Variants in STIM1 observed in about 807,000 individuals in gnomAD.
STIM1 encodes stromal interaction molecule 1.
Under a neutral mutation model 74.7 loss-of-function variants are expected in STIM1, and 25 were observed. The observed-to-expected ratio is 0.33, with a 90% CI of 0.24 to 0.47. The LOEUF (loss-of-function observed/expected upper bound fraction) is 0.47. Among genes scored for constraint, STIM1 ranks in the 20% least tolerant of loss-of-function variants. The probability of loss-of-function intolerance (pLI) is 1.00; values close to 1 mark genes in which losing one functional copy is unlikely to be tolerated. For synonymous variants in STIM1, 328 were observed against 348.8 expected (o/e 0.94, Z 0.66); for missense variants, 728 against 920.8 (o/e 0.79, Z 2.71).
At chr11:3,904,811 T>A (rs2092436380) in intron 1 of STIM1, among the ~76,000 whole-genome samples, 1 of 152,118 alleles carries the variant, frequency 6.6e-6, no homozygotes, top group Non-Finnish European at 1.5e-5. Context: ...TTGAGATGGT[T>A]ATGGGTGATA....
chr11:3,856,393 G>T lies in STIM1; in HGVS notation c.123G>T (p.Glu41Asp). 6.2e-7 allele frequency: 1 copy of T among 1,614,112 alleles called. No homozygotes were observed. The highest frequency in any genetic ancestry group is 8.5e-7 in the Non-Finnish European group (1 of 1,180,034). ...GAACCAGCTCGGGGGCCAACTCTGA[G>T]GAGTCCACTGCAGCAGGTAAGGCCT... Reference protein sequence around the residue: ...ATGTSSGANSEESTAAEFCRI... With the variant: ...ATGTSSGANSDESTAAEFCRI... Residue 41 changes from glutamate (E) to aspartate (D), a missense_variant, in exon 1 of 13, where the codon GAG becomes GAT. This residue lies in a region of STIM1 where 62 missense variants were observed against 55.5 expected (regional missense o/e 1.12). Transcript: ENST00000526596.
chr11:3,869,714 T>C (rs1473701840), intron 1 of STIM1, among the ~76,000 whole-genome samples: 1 of 152,208 alleles, frequency 6.6e-6, no homozygotes, highest in Non-Finnish European at 1.5e-5. Flanking sequence ...TTGCACGTTT[T>C]GACAAGGGGA....
chr11:3,950,836 C>A (rs893835218), intron 1 of STIM1, among the ~76,000 whole-genome samples: 1 of 152,110 alleles, frequency 6.6e-6, no homozygotes, highest in Middle Eastern at 3.4e-3. Context: ...TGCTTTGTTG[C>A]CCAGGCTGAT....
At chr11:3,985,030 A>G (rs1192197852) in intron 2 of STIM1, among the ~76,000 whole-genome samples, 1 of 152,166 alleles carries the variant, frequency 6.6e-6, no homozygotes, top group East Asian at 1.9e-4. Flanking sequence ...AAGCTGAGCT[A>G]CGTATCAGTG....
At chr11:3,919,619 A>T (rs1013832362) in intron 1 of STIM1, among the ~76,000 whole-genome samples, 6 of 152,254 alleles carry the variant, frequency 3.9e-5, no homozygotes, top group African/African-American at 1.4e-4. Context: ...GATGAAATAT[A>T]TTCGTATCCT....
intron 1 of STIM1, among the ~76,000 whole-genome samples, chr11:3,965,445 T>G (rs2093330368): frequency 6.6e-6 from 1 of 152,240 alleles, no homozygotes; most frequent in Non-Finnish European, 1.5e-5. Context: ...TCACAGGGCC[T>G]GATATATGAA....
rs201116081 is a variant in STIM1, at chr11:4,082,992, A to C, written c.1238+10A>C. 3.7e-6 allele frequency: 6 copies of C among 1,604,712 alleles called. No individual in the cohort carries two copies. The highest frequency in any genetic ancestry group is 1.3e-5 in the African/African-American group (1 of 74,716). On this transcript the variant is annotated intron_variant, in intron 9 of 12. Coordinates refer to ENST00000526596, the MANE Select transcript of STIM1 (RefSeq NM_001382567.1). ...AAATTCTAACAGCTAAGTAAGTAAC[A>C]CCAGTTATCTACTCTGGCAATGTCC...
rs114064347 is a variant in STIM1 at position 3,994,561 on chromosome 11, C to T, written c.270+26879C>T. The stretch of plus-strand genomic sequence containing the variant: ...CTCCAATCTGACTCCTGGGTTCAAG[C>T]GATTCTCATGTCTCAGCCTCCCCAA... On this transcript the variant is annotated intron_variant, in intron 2 of 12. Coordinates refer to ENST00000526596, the MANE Select transcript of STIM1 (RefSeq NM_001382567.1). 9.4e-3 allele frequency among the ~76,000 whole-genome samples: 1,415 copies of T among 150,064 alleles called. 26 individuals carry two copies. The highest frequency in any genetic ancestry group is 0.033 in the African/African-American group (1,337 of 40,974).
At chr11:4,006,724 CT>C (rs1426456352) in intron 2 of STIM1, among the ~76,000 whole-genome samples, 4 of 152,068 alleles carry the variant, frequency 2.6e-5, no homozygotes, top group Admixed American at 1.3e-4. Flanking sequence ...ACAGGTATTT[CT>C]TTATAGCAAT....
At chr11:4,086,331 G>C in intron 11 of STIM1, 146 bp from the exon 12 acceptor site, 1 of 855,638 alleles carries the variant, frequency 1.2e-6, no homozygotes, top group South Asian at 1.7e-5. Flanking sequence ...CCTGGTGGGA[G>C]GTTTCTGGGA....
At chr11:3,894,905 ATTTTT>A (rs35236633) in intron 1 of STIM1, among the ~76,000 whole-genome samples, 1 of 113,234 alleles carries the variant, frequency 8.8e-6, no homozygotes, top group Non-Finnish European at 1.7e-5. Context: ...CGCCTGGCTA[ATTTTT>A]TTTTTTTTTT....
At chr11:3,893,107 G>A (rs2091947835) in intron 1 of STIM1, among the ~76,000 whole-genome samples, 1 of 152,146 alleles carries the variant, frequency 6.6e-6, no homozygotes. Context: ...GTTCATAAGG[G>A]AATAAAAATG....
intron 12 of STIM1, chr11:4,088,959 C>A (rs1434407372): frequency 3.9e-6 from 2 of 511,630 alleles, no homozygotes; most frequent in Non-Finnish European, 7.2e-6. Context: ...AGGCTGGGTG[C>A]AGTGGCTCAC....
chr11:4,086,879 TTTC>T (rs2094497121), intron 12 of STIM1: 3 of 1,523,416 alleles, frequency 2.0e-6, no homozygotes, highest in Non-Finnish European at 1.8e-6. Flanking sequence ...CTGTCTCTCT[TTTC>T]TTTCTTCCCT....
chr11:4,012,136 A>G (rs573800239), intron 2 of STIM1, among the ~76,000 whole-genome samples: 1 of 152,314 alleles, frequency 6.6e-6, no homozygotes, highest in African/African-American at 2.4e-5. Flanking sequence ...GCCTTGTAGC[A>G]TAGTTTGAAG....
chr11:3,934,553 G>T (rs1203370072), intron 1 of STIM1, among the ~76,000 whole-genome samples: 2 of 152,182 alleles, frequency 1.3e-5, no homozygotes, highest in African/African-American at 4.8e-5. Flanking sequence ...GGCTGAGTTA[G>T]TTTCACCTCT....
intron 1 of STIM1, among the ~76,000 whole-genome samples, chr11:3,935,333 A>C (rs2092919686): frequency 6.6e-6 from 1 of 152,208 alleles, no homozygotes. Context: ...GAGGCTAGAC[A>C]CTGGTCTTCC....
intron 2 of STIM1, among the ~76,000 whole-genome samples, chr11:3,980,340 C>A (rs1360164980): frequency 6.6e-6 from 1 of 152,172 alleles, no homozygotes; most frequent in Non-Finnish European, 1.5e-5. Flanking sequence ...CACCATTTGG[C>A]TTTAGCTCAT....
At chr11:3,924,478 G>A (rs1272447495) in intron 1 of STIM1, among the ~76,000 whole-genome samples, 2 of 152,042 alleles carry the variant, frequency 1.3e-5, no homozygotes, top group Admixed American at 1.3e-4. Flanking sequence ...GATTACAGGC[G>A]TGAGCCACTG....
Sources: allele counts gnomAD v4.1 joint callset (sites outside exome capture counted in the v4.1 genomes callset), GRCh38; gene constraint gnomAD v4.1.1; regional missense constraint gnomAD v4.1.1; transcripts MANE v1.5; gene names NCBI Gene and HGNC (gene_info 2026-07-23, HGNC 2026-07-21).